PTGIS: variants seen among roughly 807,000 people sequenced by gnomAD.
PTGIS encodes the protein prostacyclin synthase.
PTGIS carries 45 observed loss-of-function variants against 50.3 expected under a neutral mutation model. The ratio of observed to expected loss-of-function variants is 0.90; its 90% CI spans 0.70 to 1.15. The LOEUF (loss-of-function observed/expected upper bound fraction) is 1.15. Among genes scored for constraint, PTGIS ranks in the 50% most tolerant of loss-of-function variants. PTGIS has a pLI of 0.00. For missense variants in PTGIS, 668 were observed against 661.3 expected (o/e 1.01, Z -0.11); for synonymous variants, 260 against 267.7 (o/e 0.97, Z 0.28).
Position 49,513,209 on chromosome 20 carries a change from G to C in PTGIS, c.1077C>G (p.Arg359=). 1 of 1,614,062 alleles carries C rather than the reference G, an allele frequency of 6.2e-7. No individual in the cohort carries two copies. The highest frequency in any genetic ancestry group is 8.5e-7 in the Non-Finnish European group (1 of 1,180,030). The change falls in exon 8 of 10, where the codon CGC becomes CGG. Residue 359 remains arginine, a synonymous_variant. Transcript: ENST00000244043. ...GCATGGCCAGGTCCACCACAACCTCGCGGGTGATGAAGGGGGCAGCTGTAA... is the reference window on the plus strand; with the variant it reads ...GCATGGCCAGGTCCACCACAACCTCCCGGGTGATGAAGGGGGCAGCTGTAA... ...LRLTAAPFIT[R]EVVVDLAMPM...
intron 1 of PTGIS, among the ~76,000 whole-genome samples, chr20:49,558,838 C>A (rs933657646): frequency 6.6e-6 from 1 of 152,020 alleles, no homozygotes; most frequent in Non-Finnish European, 1.5e-5. Flanking sequence ...CTCAGCCTCC[C>A]AAGTAGCTGG....
At chr20:49,549,426 T>C (rs1982448630) in intron 2 of PTGIS, among the ~76,000 whole-genome samples, 1 of 152,186 alleles carries the variant, frequency 6.6e-6, no homozygotes, top group Non-Finnish European at 1.5e-5. Flanking sequence ...TACCAACACA[T>C]TTTCCCCCAA....
chr20:49,529,470 C>T (rs1023282534), intron 5 of PTGIS, among the ~76,000 whole-genome samples: 8 of 152,164 alleles, frequency 5.3e-5, no homozygotes, highest in Admixed American at 3.9e-4. Flanking sequence ...AACATTCTTT[C>T]GTGGATTTAC....
At chr20:49,548,920 T>A (rs1982436964) in intron 2 of PTGIS, among the ~76,000 whole-genome samples, 1 of 152,078 alleles carries the variant, frequency 6.6e-6, no homozygotes, top group Non-Finnish European at 1.5e-5. Flanking sequence ...GATGAGAGAA[T>A]GCTAGGTAGA....
chr20:49,528,619 G>C (rs1981853130), intron 5 of PTGIS, among the ~76,000 whole-genome samples: 1 of 151,982 alleles, frequency 6.6e-6, no homozygotes, highest in Admixed American at 6.6e-5. Flanking sequence ...GCAAGACTCT[G>C]TCTCAAAAAC....
intron 6 of PTGIS, among the ~76,000 whole-genome samples, chr20:49,519,713 G>A (rs1263642188): frequency 6.6e-6 from 1 of 151,792 alleles, no homozygotes; most frequent in Admixed American, 6.6e-5. Flanking sequence ...CCCAACCCCC[G>A]ATCTTCTCCC....
chr20:49,553,197 G>T (rs935332331), intron 1 of PTGIS, among the ~76,000 whole-genome samples: 12 of 152,056 alleles, frequency 7.9e-5, no homozygotes, highest in Non-Finnish European at 4.4e-5. Context: ...ATATTATAAG[G>T]TGACAAAATT....
At chr20:49,554,066 A>G (rs560976) in intron 1 of PTGIS, among the ~76,000 whole-genome samples, 137,719 of 152,214 alleles carry the variant, frequency 0.9, 62,585 homozygotes, top group East Asian at 1. Flanking sequence ...TTCTTAAGGT[A>G]TTATTTTACT....
intron 5 of PTGIS, among the ~76,000 whole-genome samples, chr20:49,534,104 G>A (rs1368209244): frequency 6.6e-6 from 1 of 152,050 alleles, no homozygotes; most frequent in Admixed American, 6.6e-5. Flanking sequence ...ATGCATAGAT[G>A]GCCTTTAGAT....
At chr20:49,520,646 T>G (rs1412526023) in intron 6 of PTGIS, among the ~76,000 whole-genome samples, 1 of 152,100 alleles carries the variant, frequency 6.6e-6, no homozygotes, top group Non-Finnish European at 1.5e-5. Flanking sequence ...TAATACATTT[T>G]AGATGCTTAC....
rs1981152114 is a variant in PTGIS, at chr20:49,506,394, T to G, written c.*1526A>C. 6.6e-6 allele frequency: 1 copy of G among 152,248 alleles called. No homozygotes were observed. The highest frequency in any genetic ancestry group is 2.1e-4 in the South Asian group (1 of 4,836). 9.4% of individuals were successfully genotyped at this position (152,248 alleles called of 1,614,324 possible). On this transcript the variant is annotated 3_prime_UTR_variant, in exon 10 of 10. Coordinates refer to ENST00000244043, the MANE Select transcript of PTGIS (RefSeq NM_000961.4). ...TTTATTTTAATTAATTATTTATTTA[T>G]TGAGACAGAGTCTTGCTCTGTCGCC...
At chr20:49,531,057 A>G (rs969912590) in intron 5 of PTGIS, among the ~76,000 whole-genome samples, 3 of 151,926 alleles carry the variant, frequency 2.0e-5, no homozygotes, top group Non-Finnish European at 4.4e-5. Flanking sequence ...CCGCTCCCAG[A>G]TGTTATTTGG....
intron 4 of PTGIS, among the ~76,000 whole-genome samples, chr20:49,541,006 G>A (rs574958752): frequency 2.0e-5 from 3 of 152,320 alleles, no homozygotes; most frequent in South Asian, 2.1e-4. Flanking sequence ...AGAGGCCTGC[G>A]TGGTCCCTGC....
chr20:49,568,127 G>GCGGGGCTGT lies in PTGIS; in HGVS notation c.-12_-11insACAGCCCCG. 2 of 1,133,476 alleles carry GCGGGGCTGT rather than the reference G, an allele frequency of 1.8e-6. No individual in the cohort carries two copies. The highest frequency in any genetic ancestry group is 2.3e-5 in the South Asian group (1 of 44,140). 70.2% of individuals were successfully genotyped at this position (1,133,476 alleles called of 1,614,324 possible). On this transcript the variant is annotated 5_prime_UTR_variant, in exon 1 of 10. Transcript: ENST00000244043. ...CGCGGCCCAAGCCATCGCGGGGCTGGCGGGGCTGGCGGGGCTGGCGGGGCT... is the reference window on the plus strand; with the variant it reads ...CGCGGCCCAAGCCATCGCGGGGCTGGCGGGGCTGTCGGGGCTGGCGGGGCTGGCGGGGCT...
intron 6 of PTGIS, among the ~76,000 whole-genome samples, chr20:49,514,726 A>T (rs1027529590): frequency 2.0e-5 from 3 of 152,240 alleles, no homozygotes; most frequent in Non-Finnish European, 4.4e-5. Context: ...TTCACATCTG[A>T]GAATGATCAC....
chr20:49,511,310 G>A (rs1981314336), intron 8 of PTGIS, 131 bp from the exon 9 acceptor site: 3 of 1,026,986 alleles, frequency 2.9e-6, no homozygotes, highest in Admixed American at 2.0e-5. Context: ...CAGGTCAATT[G>A]ATAGGGGATT....
chr20:49,544,252 C>T, intron 4 of PTGIS, 53 bp downstream of exon 4: 1 of 1,609,558 alleles, frequency 6.2e-7, no homozygotes. Context: ...TCATGGCTGA[C>T]ACAGGTCAAA....
At position 49,526,842 on chromosome 20, in the gene PTGIS, G is replaced by A. The variant is rs915806716; in HGVS notation, c.674-2603C>T. Reference sequence around the variant, plus strand: ...ATAGGAAATAAGTGATGGTGAGGACGTGGAGAAATTGGAACCCTTATGCAT... The same window carrying A: ...ATAGGAAATAAGTGATGGTGAGGACATGGAGAAATTGGAACCCTTATGCAT... On this transcript the variant is annotated intron_variant, in intron 5 of 9. Transcript: ENST00000244043. Among the ~76,000 whole-genome samples the A allele has an allele frequency of 5.3e-5, 8 of 152,330 alleles. No homozygotes were observed. In the East Asian group the frequency reaches 5.8e-4, roughly 11 times the overall value.
chr20:49,544,184 G>T, intron 4 of PTGIS, 121 bp downstream of exon 4: 2 of 1,327,100 alleles, frequency 1.5e-6, no homozygotes, highest in Non-Finnish European at 1.0e-6. Context: ...TCTTTGCTTT[G>T]GGTGTCTCAA....
Sources: allele counts gnomAD v4.1 joint callset (sites outside exome capture counted in the v4.1 genomes callset), GRCh38; gene constraint gnomAD v4.1.1; transcripts MANE v1.5; gene names NCBI Gene and HGNC (gene_info 2026-07-23, HGNC 2026-07-21).